The following WWOX variants were observed in gnomAD, a reference collection of about 807,000 sequenced individuals.
WWOX encodes WW domain-containing oxidoreductase.
In WWOX, 69 loss-of-function variants were observed where a neutral mutation model predicts 46.2. The observed-to-expected ratio is 1.49, with a 90% CI of 1.23 to 1.82. The LOEUF (loss-of-function observed/expected upper bound fraction) is 1.82. Among genes scored for constraint, WWOX ranks in the 40% most tolerant of loss-of-function variants. WWOX has a pLI of 0.00. For synonymous variants in WWOX, 359 were observed against 202.6 expected, an observed-to-expected ratio of 1.77 and a Z score of -6.56; for missense variants, 919 against 542.6, an observed-to-expected ratio of 1.69 and a Z score of -6.89.
At chr16:78,402,996 T>C (rs1009509588) in intron 6 of WWOX, among the ~76,000 whole-genome samples, 2 of 152,192 alleles carry the variant, frequency 1.3e-5, no homozygotes, top group African/African-American at 2.4e-5. Context: ...TCAGAGTACA[T>C]TAATTTTTAT....
At chr16:78,151,759 C>A (rs114190598) in intron 4 of WWOX, among the ~76,000 whole-genome samples, 4 of 152,164 alleles carry the variant, frequency 2.6e-5, no homozygotes, top group African/African-American at 7.2e-5. Flanking sequence ...GAAGTAGCGT[C>A]GACATTATGA....
intron 8 of WWOX, among the ~76,000 whole-genome samples, chr16:78,638,668 G>A (rs901684846): frequency 3.9e-5 from 6 of 152,116 alleles, no homozygotes; most frequent in African/African-American, 9.7e-5. Context: ...GGGCGGGGGC[G>A]GTCAGAGGAG....
At chr16:78,471,735 C>G (rs894156731) in intron 8 of WWOX, among the ~76,000 whole-genome samples, 1 of 152,182 alleles carries the variant, frequency 6.6e-6, no homozygotes, top group Admixed American at 6.5e-5. Context: ...CCCTGAACAT[C>G]ATTTGGCCTG....
At chr16:78,372,257 C>T (rs1190547934) in intron 5 of WWOX, among the ~76,000 whole-genome samples, 1 of 152,150 alleles carries the variant, frequency 6.6e-6, no homozygotes. Context: ...CTCAAAATCC[C>T]ATTTAATTCT....
intron 8 of WWOX, among the ~76,000 whole-genome samples, chr16:78,721,190 A>G (rs1327157053): frequency 1.3e-5 from 2 of 152,210 alleles, no homozygotes; most frequent in Admixed American, 6.5e-5. Flanking sequence ...TAAATATATT[A>G]TAGGCCATTA....
chr16:78,470,780 C>T (rs58177517), intron 8 of WWOX, among the ~76,000 whole-genome samples: 20,694 of 152,002 alleles, frequency 0.14, 1,480 homozygotes, highest in Non-Finnish European at 0.16. Flanking sequence ...TGACCTACCT[C>T]GGCCTCCCAA....
chr16:78,223,840 A>G (rs917138723), intron 5 of WWOX, among the ~76,000 whole-genome samples: 4 of 152,178 alleles, frequency 2.6e-5, no homozygotes, highest in Non-Finnish European at 5.9e-5. Context: ...AGCCATTTAC[A>G]TGTCAAGACT....
intron 8 of WWOX, among the ~76,000 whole-genome samples, chr16:78,472,291 C>T (rs2084241934): frequency 6.6e-6 from 1 of 152,122 alleles, no homozygotes; most frequent in South Asian, 2.1e-4. Context: ...TGTGGTCAGC[C>T]TCTTATCTCA....
At chr16:78,726,128 C>T (rs1325459685) in intron 8 of WWOX, among the ~76,000 whole-genome samples, 2 of 141,208 alleles carry the variant, frequency 1.4e-5, no homozygotes, top group Non-Finnish European at 3.1e-5. Context: ...TCCCTCTCTC[C>T]CTCTCTCTTT....
At chr16:79,175,021 A>G (rs1268908420) in intron 8 of WWOX, among the ~76,000 whole-genome samples, 2 of 152,176 alleles carry the variant, frequency 1.3e-5, no homozygotes, top group African/African-American at 2.4e-5. Context: ...GTGTCTTATT[A>G]ACTTCTAACC....
intron 8 of WWOX, among the ~76,000 whole-genome samples, chr16:78,789,722 C>T (rs542164735): frequency 5.4e-4 from 82 of 152,264 alleles, no homozygotes; most frequent in African/African-American, 1.9e-3. Context: ...ATTTTTTGAA[C>T]AGTCATCAGC....
At chr16:78,846,563 A>T (rs2052304265) in intron 8 of WWOX, among the ~76,000 whole-genome samples, 1 of 152,214 alleles carries the variant, frequency 6.6e-6, no homozygotes, top group African/African-American at 2.4e-5. Flanking sequence ...AATATACATA[A>T]GTGATGTGCC....
Position 78,609,675 on chromosome 16 carries a change from C to A in WWOX, c.1056+176923C>A, listed in dbSNP as rs569698414. ...AATGCAGCCTGTCTTTGGACATCTA[C>A]TCCAAGTTTGCATTCTGCCTTGCCT... is the stretch of plus-strand genomic sequence containing the variant. On this transcript the variant is annotated intron_variant, in intron 8 of 8. Transcript: ENST00000566780. 4.5e-4 allele frequency among the ~76,000 whole-genome samples: 68 copies of A among 152,186 alleles called. 1 individual carries two copies. The highest frequency in any genetic ancestry group is 1.4e-3 in the African/African-American group (58 of 41,502).
In WWOX at chr16:78,508,310, C is replaced by CTTTTTTTTTTT. The variant is rs60281450; in HGVS notation, c.1056+75578_1056+75588dup. 1.5e-3 allele frequency among the ~76,000 whole-genome samples: 167 copies of CTTTTTTTTTTT among 112,714 alleles called. 15 individuals carry two copies. The highest frequency in any genetic ancestry group is 6.8e-3 in the East Asian group (25 of 3,654). 73.9% of individuals were successfully genotyped at this position (112,714 alleles called of 152,430 possible). A position where few individuals can be genotyped will look rare whatever the true frequency, so the allele number is the denominator to read the frequency against. On this transcript the variant is annotated intron_variant, in intron 8 of 8. Transcript: ENST00000566780. Reference sequence around the variant, plus strand: ...ATAGGCGTGAGCCACTGCGCCCGGCCTTTTTTTTTTTTTTTTTTTTTTTTT... The same window carrying CTTTTTTTTTTT: ...ATAGGCGTGAGCCACTGCGCCCGGCCTTTTTTTTTTTTTTTTTTTTTTTTTTTTTTTTTTTT...
At chr16:78,837,435 A>G in intron 8 of WWOX, among the ~76,000 whole-genome samples, 1 of 152,222 alleles carries the variant, frequency 6.6e-6, no homozygotes, top group Admixed American at 6.5e-5. Context: ...GTTGAACCAA[A>G]AGCAATTTAA....
chr16:78,263,285 C>A (rs898268802), intron 5 of WWOX, among the ~76,000 whole-genome samples: 2 of 152,164 alleles, frequency 1.3e-5, no homozygotes, highest in East Asian at 3.9e-4. Context: ...GATTCTCTTT[C>A]CTCAAAGTTC....
At chr16:78,426,096 A>C (rs1015319841) in intron 7 of WWOX, among the ~76,000 whole-genome samples, 1 of 152,216 alleles carries the variant, frequency 6.6e-6, no homozygotes, top group African/African-American at 2.4e-5. Context: ...ATGATGGCTG[A>C]AATGAAAGGT....
intron 5 of WWOX, among the ~76,000 whole-genome samples, chr16:78,293,356 T>C (rs962052819): frequency 2.0e-5 from 3 of 152,222 alleles, no homozygotes; most frequent in Non-Finnish European, 2.9e-5. Flanking sequence ...CTGCCAGATT[T>C]TGTAACTGAG....
At chr16:79,091,042 C>A (rs1452020019) in intron 8 of WWOX, among the ~76,000 whole-genome samples, 1 of 152,098 alleles carries the variant, frequency 6.6e-6, no homozygotes, top group African/African-American at 2.4e-5. Context: ...CCCACATCGG[C>A]CTCCCAAAGT....
Sources: allele counts gnomAD v4.1 joint callset (sites outside exome capture counted in the v4.1 genomes callset), GRCh38; gene constraint gnomAD v4.1.1; transcripts MANE v1.5; gene names NCBI Gene and HGNC (gene_info 2026-07-23, HGNC 2026-07-21).